Variants in IMMT observed in about 807,000 individuals in gnomAD.
The protein encoded by IMMT is inner membrane mitochondrial protein.
In IMMT, 40 loss-of-function variants were observed where a neutral mutation model predicts 92.7. That is an observed-to-expected ratio of 0.43 (90% CI 0.34 to 0.56). The LOEUF is 0.56. IMMT is among the 20% of genes least tolerant of loss of function. The probability of loss-of-function intolerance (pLI) is 0.03; values close to 1 mark genes in which losing one functional copy is unlikely to be tolerated. For synonymous variants in IMMT, 322 were observed against 336.1 expected (o/e 0.96, Z 0.46); for missense variants, 831 against 912.1 (o/e 0.91, Z 1.14).
At chr2:86,146,670 A>G (rs988642782) in intron 13 of IMMT, among the ~76,000 whole-genome samples, 3 of 151,904 alleles carry the variant, frequency 2.0e-5, no homozygotes, top group African/African-American at 4.8e-5. Flanking sequence ...GCCGATGTAT[A>G]TAATTCTTTA....
At chr2:86,157,937 G>A (rs772611806) in intron 10 of IMMT, among the ~76,000 whole-genome samples, 4 of 151,620 alleles carry the variant, frequency 2.6e-5, no homozygotes, top group African/African-American at 7.3e-5. Context: ...CCTGGGCAAC[G>A]ACAAAAAAAA....
intron 6 of IMMT, among the ~76,000 whole-genome samples, chr2:86,169,474 G>A (rs1676939672): frequency 6.6e-6 from 1 of 152,024 alleles, no homozygotes; most frequent in Non-Finnish European, 1.5e-5. Context: ...GGTTCCTCAG[G>A]GTAGGGCAGA....
At chr2:86,181,776 A>C (rs936990435) in intron 1 of IMMT, among the ~76,000 whole-genome samples, 2 of 152,208 alleles carry the variant, frequency 1.3e-5, no homozygotes, top group African/African-American at 4.8e-5. Context: ...AGCTAAAAAC[A>C]TGGCGTTACA....
intron 1 of IMMT, among the ~76,000 whole-genome samples, chr2:86,188,356 C>T (rs1007912598): frequency 2.0e-5 from 3 of 152,094 alleles, no homozygotes; most frequent in African/African-American, 7.2e-5. Flanking sequence ...GGATGAATGG[C>T]TATTCAAGTC....
At chr2:86,172,566 T>C (rs1330857022) in intron 4 of IMMT, among the ~76,000 whole-genome samples, 1 of 152,142 alleles carries the variant, frequency 6.6e-6, no homozygotes, top group Non-Finnish European at 1.5e-5. Context: ...CTCCTGGGCT[T>C]AGGTGATCCT....
At chr2:86,164,358 G>A (rs12620810) in intron 7 of IMMT, among the ~76,000 whole-genome samples, 11,793 of 151,418 alleles carry the variant, frequency 0.078, 772 homozygotes, top group East Asian at 0.23. Context: ...CGCCTGGACC[G>A]CTTTAGTCAT....
Position 86,166,527 on chromosome 2 carries a change from G to A in IMMT, c.773C>T (p.Ala258Val), listed in dbSNP as rs766416015. ...GCTCACCTCAGAATTGTCCATGGCG[G>A]CTTTCAATATGTTGGAGTGTGCATT... Reference protein sequence around the residue: ...AVNAHSNILKAAMDNSEIAGE... With the variant: ...AVNAHSNILKVAMDNSEIAGE... Residue 258 changes from alanine to valine, a missense_variant, in exon 7 of 15, where the codon GCC becomes GTC. Physicochemically the swap from Ala to Val is moderately conservative, Grantham distance 64. Coordinates refer to ENST00000410111, the MANE Select transcript of IMMT (RefSeq NM_006839.3). 6.2e-7 allele frequency: 1 copy of A among 1,611,482 alleles called. No individual in the cohort carries two copies. Among genetic ancestry groups the A allele is most frequent in the Non-Finnish European group, 8.5e-7 (1 of 1,179,330 alleles).
chr2:86,189,185 C>A (rs1672970828), intron 1 of IMMT, among the ~76,000 whole-genome samples: 1 of 152,074 alleles, frequency 6.6e-6, no homozygotes, highest in African/African-American at 2.4e-5. Flanking sequence ...CTGCTTCTAA[C>A]CCGCAGAAAC....
chr2:86,156,919 A>C (rs1675898075), intron 10 of IMMT, among the ~76,000 whole-genome samples: 2 of 152,196 alleles, frequency 1.3e-5, no homozygotes, highest in South Asian at 4.1e-4. Flanking sequence ...AATTTCAAGA[A>C]GATAAAATAA....
intron 7 of IMMT, among the ~76,000 whole-genome samples, chr2:86,163,312 G>C (rs896115348): frequency 6.6e-6 from 1 of 152,168 alleles, no homozygotes; most frequent in African/African-American, 2.4e-5. Flanking sequence ...GCAAGACCCT[G>C]TCTCAAAAAC....
intron 6 of IMMT, 40 bp downstream of exon 6, chr2:86,170,709 G>T: frequency 7.4e-7 from 1 of 1,349,136 alleles, no homozygotes; most frequent in South Asian, 1.3e-5. Flanking sequence ...GCAACTGGGA[G>T]ATGACCCAAA....
At position 86,147,813 on chromosome 2, in the gene IMMT, G is replaced by T. The variant is rs751611997; in HGVS notation, c.1422C>A (p.Ala474=). 150 of 1,613,748 alleles carry T rather than the reference G, an allele frequency of 9.3e-5. No homozygotes were observed. The highest frequency in any genetic ancestry group is 1.3e-4 in the Non-Finnish European group (148 of 1,179,780). The change falls in exon 13 of 15, where the codon GCC becomes GCA. Residue 474 remains alanine, a synonymous_variant. Transcript: ENST00000410111. The part of the protein sequence containing the change: ...QDRKIEEVRD[A]MENEMRTQLR... ...GCTGGGTTCTCATTTCATTTTCCAT[G>T]GCATCTCTGACTTCTTCTATCTGTG...
intron 6 of IMMT, 86 bp downstream of exon 6, chr2:86,170,663 T>TA: frequency 1.2e-6 from 1 of 852,318 alleles, no homozygotes; most frequent in Non-Finnish European, 1.9e-6. Flanking sequence ...AACTAGGTGA[T>TA]AGATGACAAA....
intron 7 of IMMT, among the ~76,000 whole-genome samples, chr2:86,165,200 G>C (rs1314651981): frequency 6.6e-6 from 1 of 152,166 alleles, no homozygotes; most frequent in Non-Finnish European, 1.5e-5. Flanking sequence ...TTATACCCAA[G>C]TAGTAACATG....
intron 12 of IMMT, 78 bp from the exon 13 acceptor site, chr2:86,147,911 A>C: frequency 7.1e-7 from 1 of 1,410,320 alleles, no homozygotes; most frequent in Non-Finnish European, 9.8e-7. Context: ...ACCACTATCA[A>C]CCATGACAAC....
At chr2:86,152,094 GT>G (rs1007123632) in intron 11 of IMMT, among the ~76,000 whole-genome samples, 3 of 151,400 alleles carry the variant, frequency 2.0e-5, no homozygotes, top group Non-Finnish European at 2.9e-5. Flanking sequence ...ACCAATGTTT[GT>G]TTTTTTTTAA....
At chr2:86,167,484 GTTTTTTTT>G (rs66768832) in intron 6 of IMMT, among the ~76,000 whole-genome samples, 1,627 of 123,212 alleles carry the variant, frequency 0.013, 41 homozygotes, top group African/African-American at 0.044. Context: ...TTTGTTTTTT[GTTTTTTTT>G]TTTTTTTTTG....
At chr2:86,170,880 C>T in intron 5 of IMMT, 36 bp from the exon 6 acceptor site, 1 of 1,478,426 alleles carries the variant, frequency 6.8e-7, no homozygotes, top group Non-Finnish European at 9.2e-7. Flanking sequence ...AATCAAATTT[C>T]AGCATAGAAT....
rs568888009 is a variant in IMMT, at chr2:86,144,955, A to G, written c.1664-74T>C. On this transcript the variant is annotated intron_variant, in intron 14 of 14. Coordinates refer to ENST00000410111, the MANE Select transcript of IMMT (RefSeq NM_006839.3). ...ACATACATCCACAGAACTGATGCAC[A>G]TTCAACAAGCTACATCTACACATGT... is the stretch of plus-strand genomic sequence containing the variant. 80 of 1,483,444 alleles carry G rather than the reference A, an allele frequency of 5.4e-5. 1 individual carries two copies. The African/African-American group carries it at 1.0e-3, about 19-fold the overall frequency. The allele number at this position is 1,483,444 out of a possible 1,614,324, so 91.9% of individuals were successfully genotyped here.
Sources: allele counts gnomAD v4.1 joint callset (sites outside exome capture counted in the v4.1 genomes callset), GRCh38; gene constraint gnomAD v4.1.1; transcripts MANE v1.5; gene names NCBI Gene and HGNC (gene_info 2026-07-23, HGNC 2026-07-21).